Variants in PARD3B observed in about 807,000 individuals in gnomAD.
PARD3B encodes the protein par-3 family cell polarity regulator beta.
A neutral mutation model predicts 130.2 loss-of-function variants in PARD3B; 103 were observed. That is an observed-to-expected ratio of 0.79 (90% CI 0.67 to 0.93). The LOEUF (loss-of-function observed/expected upper bound fraction) is 0.93, where lower values mean the gene tolerates loss of function less well. Among genes scored for constraint, PARD3B ranks in the 40% least tolerant of loss-of-function variants. PARD3B has a pLI of 0.00. For missense variants in PARD3B, 1,609 were observed against 1,499.2 expected (o/e 1.07, Z -1.21); for synonymous variants, 583 against 553.2 (o/e 1.05, Z -0.76).
At chr2:205,370,967 G>T (rs1559711738) in intron 18 of PARD3B, among the ~76,000 whole-genome samples, 1 of 152,106 alleles carries the variant, frequency 6.6e-6, no homozygotes, top group Non-Finnish European at 1.5e-5. Flanking sequence ...TAACTCCAGG[G>T]GGGCAGCTGT....
intron 2 of PARD3B, among the ~76,000 whole-genome samples, chr2:204,932,147 A>G (rs573812485): frequency 6.6e-6 from 1 of 152,268 alleles, no homozygotes; most frequent in East Asian, 1.9e-4. Context: ...GTAATGTGAT[A>G]TAATATTTCA....
At chr2:204,988,930 G>C (rs958850866) in intron 3 of PARD3B, among the ~76,000 whole-genome samples, 1 of 152,200 alleles carries the variant, frequency 6.6e-6, no homozygotes, top group Admixed American at 6.5e-5. Context: ...AAAGAAATAC[G>C]TTCATCTCTT....
intron 22 of PARD3B, among the ~76,000 whole-genome samples, chr2:205,586,880 A>G (rs1361587457): frequency 6.6e-6 from 1 of 152,136 alleles, no homozygotes; most frequent in African/African-American, 2.4e-5. Flanking sequence ...TTAATGTTTC[A>G]TAAGTTGTAA....
intron 2 of PARD3B, among the ~76,000 whole-genome samples, chr2:204,852,764 G>A (rs530716187): frequency 4.1e-4 from 63 of 152,222 alleles, no homozygotes; most frequent in African/African-American, 1.4e-3. Flanking sequence ...ACTTATTTAA[G>A]TTTTAAAGGC....
chr2:205,332,824 A>G (rs745378847), intron 18 of PARD3B, among the ~76,000 whole-genome samples: 66 of 152,282 alleles, frequency 4.3e-4, no homozygotes, highest in Middle Eastern at 3.4e-3. Flanking sequence ...GGGAATTGAT[A>G]CTATGTTTGT....
At chr2:205,048,278 A>G (rs982134533) in intron 4 of PARD3B, 4 of 151,912 alleles carry the variant, frequency 2.6e-5, no homozygotes, top group African/African-American at 7.3e-5. Context: ...AGAACTCAGC[A>G]TTCAGATTGA....
rs948042703 is a variant in PARD3B at position 205,160,057 on chromosome 2, T to C, written c.1620+1150T>C. Among the ~76,000 whole-genome samples the C allele has an allele frequency of 2.0e-5, 3 of 152,216 alleles. No homozygotes were observed. The highest frequency in any genetic ancestry group is 2.0e-4 in the Admixed American group (3 of 15,288). The stretch of plus-strand genomic sequence containing the variant: ...AGAATTCTGGCTTTGTTGAAGCAAC[T>C]GTCGTCTCACACTTACCCTTCCACT... On this transcript the variant is annotated intron_variant, in intron 11 of 22. Transcript: ENST00000406610. This position sits in a 1 kb window ranked among gnomAD's most constrained non-coding sequence, Gnocchi z 4.0.
intron 10 of PARD3B, among the ~76,000 whole-genome samples, chr2:205,143,589 A>G (rs146999813): frequency 1.1e-3 from 171 of 152,318 alleles, no homozygotes; most frequent in African/African-American, 3.8e-3. Flanking sequence ...CTGCTTTTCT[A>G]TACATATAAC....
chr2:204,793,970 A>G (rs1197168310), intron 2 of PARD3B, among the ~76,000 whole-genome samples: 1 of 152,124 alleles, frequency 6.6e-6, no homozygotes, highest in Non-Finnish European at 1.5e-5. Context: ...CTGGCACTTT[A>G]TTATAGGGCC....
rs2047690429 is a variant in PARD3B, at chr2:205,440,830, T to C, written c.3044+158T>C. ...CATCCTTTGACCGACCTGTAAGATA[T>C]CCACCATCAAAAATAAAACAATAGC... On this transcript the variant is annotated intron_variant, in intron 20 of 22. Coordinates refer to ENST00000406610, the MANE Select transcript of PARD3B (RefSeq NM_001302769.2). This position sits in a 1 kb window ranked among gnomAD's most constrained non-coding sequence, Gnocchi z 4.2. Among the ~76,000 whole-genome samples, 1 of 152,206 alleles carries C rather than the reference T, an allele frequency of 6.6e-6. No individual in the cohort carries two copies. Among genetic ancestry groups the C allele is most frequent in the Non-Finnish European group, 1.5e-5 (1 of 68,038 alleles).
rs765099437 is a variant in PARD3B, at chr2:205,470,881, G to A, written c.3045-29015G>A. On this transcript the variant is annotated intron_variant, in intron 20 of 22. Transcript: ENST00000406610. This position sits in a 1 kb window ranked among gnomAD's most constrained non-coding sequence, Gnocchi z 4.8. ...CCATTACAGACAAGTAGACATGGAA[G>A]GATACTTTAAAACAAAGTGTGTTTT... 7.2e-5 allele frequency among the ~76,000 whole-genome samples: 11 copies of A among 152,176 alleles called. No homozygotes were observed. Among genetic ancestry groups the A allele is most frequent in the Non-Finnish European group, 1.5e-4 (10 of 68,028 alleles).
chr2:204,572,439 C>G (rs1364497548), intron 1 of PARD3B, among the ~76,000 whole-genome samples: 1 of 152,096 alleles, frequency 6.6e-6, no homozygotes, highest in African/African-American at 2.4e-5. Flanking sequence ...CAGCCCTCTC[C>G]CTACACCAGT....
chr2:205,193,507 G>C (rs2036506329), intron 15 of PARD3B, among the ~76,000 whole-genome samples, 187 bp downstream of exon 15: 2 of 152,192 alleles, frequency 1.3e-5, no homozygotes, highest in Admixed American at 1.3e-4. Flanking sequence ...TACCCACTTT[G>C]TGAAACAAAG....
chr2:205,101,531 G>C (rs1702790661), intron 4 of PARD3B, among the ~76,000 whole-genome samples: 1 of 152,222 alleles, frequency 6.6e-6, no homozygotes, highest in Non-Finnish European at 1.5e-5. Context: ...CCACTCCACA[G>C]CGTACGCCAG....
chr2:205,046,778 A>G (rs1025061845), intron 3 of PARD3B, among the ~76,000 whole-genome samples: 2 of 152,236 alleles, frequency 1.3e-5, no homozygotes, highest in Admixed American at 6.5e-5. Flanking sequence ...TAAAACCACA[A>G]GCAGATTTTT....
At chr2:204,817,211 T>A (rs1047793402) in intron 2 of PARD3B, among the ~76,000 whole-genome samples, 5 of 152,132 alleles carry the variant, frequency 3.3e-5, no homozygotes, top group Non-Finnish European at 7.4e-5. Context: ...TTCCTTTATC[T>A]CTTTATTATG....
At chr2:205,409,205 T>C (rs551818735) in intron 19 of PARD3B, among the ~76,000 whole-genome samples, 8 of 152,300 alleles carry the variant, frequency 5.3e-5, no homozygotes, top group Admixed American at 3.9e-4. Flanking sequence ...GATCTTTCTG[T>C]ATCCCTGTGA....
At chr2:204,593,046 G>A (rs187546400) in intron 1 of PARD3B, among the ~76,000 whole-genome samples, 1 of 152,268 alleles carries the variant, frequency 6.6e-6, no homozygotes, top group African/African-American at 2.4e-5. Context: ...CATTTGGATT[G>A]TTTCCACTAT....
chr2:204,871,592 T>G (rs1448403686), intron 2 of PARD3B, among the ~76,000 whole-genome samples: 2 of 152,204 alleles, frequency 1.3e-5, no homozygotes, highest in African/African-American at 4.8e-5. Flanking sequence ...GAATGATTTT[T>G]TTCCTTAGAA....
Sources: allele counts gnomAD v4.1 joint callset (sites outside exome capture counted in the v4.1 genomes callset), GRCh38; gene constraint gnomAD v4.1.1; non-coding constraint Gnocchi (gnomAD v3.1); transcripts MANE v1.5; gene names NCBI Gene and HGNC (gene_info 2026-07-23, HGNC 2026-07-21).